ABCD3: variants seen among roughly 807,000 people sequenced by gnomAD.
ABCD3 encodes ATP-binding cassette sub-family D member 3.
ABCD3 carries 41 observed loss-of-function variants against 105.5 expected under a neutral mutation model. That is an observed-to-expected ratio of 0.39 (90% CI 0.30 to 0.50). ABCD3 has a LOEUF of 0.50. Among genes scored for constraint, ABCD3 ranks in the 20% least tolerant of loss-of-function variants. ABCD3 has a pLI of 0.84. For missense variants in ABCD3, 622 were observed against 806.3 expected (o/e 0.77, Z 2.77); for synonymous variants, 258 against 269.0 (o/e 0.96, Z 0.40).
At chr1:94,413,603 C>G (rs1436269216), upstream of ABCD3, among the ~76,000 whole-genome samples, 1 of 152,220 alleles carries the variant, frequency 6.6e-6, no homozygotes, top group African/African-American at 2.4e-5. Context: ...CTTGGGCTAA[C>G]TAGGGCTATT....
chr1:94,424,510 C>T (rs1659390535), intron 1 of ABCD3, among the ~76,000 whole-genome samples: 1 of 152,106 alleles, frequency 6.6e-6, no homozygotes, highest in South Asian at 2.1e-4. Flanking sequence ...GCAACCTTTG[C>T]CACCCAGGCT....
At chr1:94,438,043 C>T (rs941711141) in intron 1 of ABCD3, among the ~76,000 whole-genome samples, 10 of 151,984 alleles carry the variant, frequency 6.6e-5, no homozygotes, top group African/African-American at 9.7e-5. Context: ...AATCCCAGCA[C>T]TTTGGGAGGC....
intron 10 of ABCD3, among the ~76,000 whole-genome samples, chr1:94,486,098 A>G (rs990030236): frequency 3.6e-4 from 55 of 152,166 alleles, no homozygotes; most frequent in Non-Finnish European, 1.8e-4. Flanking sequence ...AGGCTGAGGC[A>G]GGAGAATCAC....
At position 94,499,040 on chromosome 1, in the gene ABCD3, G is replaced by T; in HGVS notation, c.1620+6G>T. Reference sequence around the variant, plus strand: ...GGAAGGGAATTTCTGACCTAGTAAGGGAATGTTTATATCCTAGATCCACTG... The same window carrying T: ...GGAAGGGAATTTCTGACCTAGTAAGTGAATGTTTATATCCTAGATCCACTG... On this transcript the variant is annotated splice_donor_region_variant and intron_variant, in intron 19 of 22. Coordinates refer to ENST00000370214, the MANE Select transcript of ABCD3 (RefSeq NM_002858.4). 6.2e-7 allele frequency: 1 copy of T among 1,604,526 alleles called. No homozygotes were observed. Among genetic ancestry groups the T allele is most frequent in the Non-Finnish European group, 8.5e-7 (1 of 1,171,590 alleles).
intron 1 of ABCD3, among the ~76,000 whole-genome samples, chr1:94,437,822 A>G (rs1659961715): frequency 6.6e-6 from 1 of 152,208 alleles, no homozygotes; most frequent in African/African-American, 2.4e-5. Context: ...TTCATAGAAG[A>G]AGGTCAGAAT....
At chr1:94,433,869 G>A (rs1659792726) in intron 1 of ABCD3, among the ~76,000 whole-genome samples, 1 of 150,148 alleles carries the variant, frequency 6.7e-6, no homozygotes, top group Admixed American at 6.6e-5. Context: ...GGCTAGTCTC[G>A]AACTCCTGGC....
chr1:94,511,947 G>A (rs961864349), intron 21 of ABCD3, among the ~76,000 whole-genome samples: 2 of 151,884 alleles, frequency 1.3e-5, no homozygotes, highest in African/African-American at 2.4e-5. Context: ...ATTTCCTCCC[G>A]TAGCTCGGAG....
At chr1:94,418,613 C>T (rs766052707) in intron 1 of ABCD3, 25 bp downstream of exon 1, 33 of 1,569,624 alleles carry the variant, frequency 2.1e-5, no homozygotes, top group Middle Eastern at 1.8e-4. Flanking sequence ...AGCCGTGCAG[C>T]TTTCCCGGGC....
At chr1:94,503,575 G>A (rs1035857452) in intron 20 of ABCD3, among the ~76,000 whole-genome samples, 1 of 151,962 alleles carries the variant, frequency 6.6e-6, no homozygotes, top group African/African-American at 2.4e-5. Context: ...AGGTCTCTTT[G>A]ATCTAAAAAG....
intron 16 of ABCD3, among the ~76,000 whole-genome samples, chr1:94,492,149 G>A (rs1026730535): frequency 1.1e-4 from 17 of 152,144 alleles, no homozygotes; most frequent in Admixed American, 2.6e-4. Context: ...AGCCACATGT[G>A]AGTAGTGGCT....
At chr1:94,443,803 AT>A (rs1389610710) in intron 1 of ABCD3, among the ~76,000 whole-genome samples, 2 of 152,096 alleles carry the variant, frequency 1.3e-5, no homozygotes, top group East Asian at 3.9e-4. Context: ...GTGTGATGTT[AT>A]TTCAGGGTTC....
At chr1:94,449,800 A>G (rs1314115012) in intron 1 of ABCD3, among the ~76,000 whole-genome samples, 1 of 152,246 alleles carries the variant, frequency 6.6e-6, no homozygotes, top group East Asian at 1.9e-4. Flanking sequence ...GGTCTGAACA[A>G]AATGGTCAGA....
chr1:94,482,663 G>C (rs1228409853), intron 9 of ABCD3: 1 of 162,060 alleles, frequency 6.2e-6, no homozygotes, highest in African/African-American at 2.4e-5. Flanking sequence ...GGATATGATG[G>C]GGTTCCAGGG....
chr1:94,471,463 A>G (rs1328389908), intron 4 of ABCD3, among the ~76,000 whole-genome samples: 1 of 151,456 alleles, frequency 6.6e-6, no homozygotes, highest in Non-Finnish European at 1.5e-5. Flanking sequence ...GAGGCTGAGC[A>G]GAAGGATCAC....
chr1:94,510,513 G>A (rs1650607126), intron 21 of ABCD3, among the ~76,000 whole-genome samples: 1 of 152,110 alleles, frequency 6.6e-6, no homozygotes, highest in Admixed American at 6.5e-5. Flanking sequence ...GGTCTGCTTG[G>A]TGCAGAGCTG....
chr1:94,419,860 A>G (rs957625821), intron 1 of ABCD3, among the ~76,000 whole-genome samples: 2 of 152,154 alleles, frequency 1.3e-5, no homozygotes, highest in South Asian at 4.1e-4. Flanking sequence ...TTTTTCTTCT[A>G]TTCAGTTTGC....
rs766791159 is a variant in ABCD3 at position 94,487,982 on chromosome 1, G to A, written c.1156G>A (p.Gly386Ser). Residue 386 changes from glycine to serine, a missense_variant and splice_region_variant, in exon 13 of 23, where the codon GGT becomes AGT. This residue lies in a region of ABCD3 where 285 missense variants were observed against 352.5 expected (regional missense o/e 0.81). Coordinates refer to ENST00000370214, the MANE Select transcript of ABCD3 (RefSeq NM_002858.4). Reference protein sequence around the residue: ...LAGREMTRLAGFTARITELMQ... With the variant: ...LAGREMTRLASFTARITELMQ... Reference sequence around the variant, plus strand: ...TGGGCGTGAAATGACTAGATTGGCCGGGTAAGATTAGTAATAATGAGCTGT... The same window carrying A: ...TGGGCGTGAAATGACTAGATTGGCCAGGTAAGATTAGTAATAATGAGCTGT... 9.3e-6 allele frequency: 15 copies of A among 1,610,316 alleles called. No homozygotes were observed. Among genetic ancestry groups the A allele is most frequent in the East Asian group, 4.5e-5 (2 of 44,806 alleles).
intron 20 of ABCD3, among the ~76,000 whole-genome samples, chr1:94,505,782 G>T (rs1650322898): frequency 6.6e-6 from 1 of 152,126 alleles, no homozygotes; most frequent in Non-Finnish European, 1.5e-5. Context: ...ACTTTCTCAA[G>T]AAGGATGGAG....
chr1:94,447,409 TA>T (rs1388326365), intron 1 of ABCD3, among the ~76,000 whole-genome samples: 1 of 152,212 alleles, frequency 6.6e-6, no homozygotes, highest in East Asian at 1.9e-4. Flanking sequence ...TGGCCTTTAA[TA>T]GTCATAGATT....
Sources: gnomAD v4.1 joint callset for allele counts (sites outside exome capture counted in the v4.1 genomes callset) on GRCh38, gnomAD v4.1.1 for gene constraint, gnomAD v4.1.1 regional missense constraint, MANE v1.5 for transcripts, NCBI Gene and HGNC (gene_info 2026-07-23, HGNC 2026-07-21) for gene names.